The following DNAH9 variants were observed in gnomAD, a reference collection of about 807,000 sequenced individuals.
The protein encoded by DNAH9 is dynein axonemal heavy chain 9.
DNAH9 carries 345 observed loss-of-function variants against 471.6 expected under a neutral mutation model. The observed-to-expected ratio is 0.73, with a 90% CI of 0.67 to 0.80. The LOEUF is 0.80. Among genes scored for constraint, DNAH9 ranks in the 30% least tolerant of loss-of-function variants. DNAH9 has a pLI of 0.00. For synonymous variants in DNAH9, 2,093 were observed against 2,123.6 expected, an observed-to-expected ratio of 0.99 and a Z score of 0.40; for missense variants, 5,407 against 5,609.2, an observed-to-expected ratio of 0.96 and a Z score of 1.15.
At chr17:11,967,315 C>T (rs908594699) in intron 68 of DNAH9, among the ~76,000 whole-genome samples, 1 of 151,944 alleles carries the variant, frequency 6.6e-6, no homozygotes, top group Non-Finnish European at 1.5e-5. Flanking sequence ...CTATGTTGCC[C>T]AGGCTGGCCT....
In DNAH9 at chr17:11,768,528, A is replaced by G. The variant is rs376121008; in HGVS notation, c.7246A>G (p.Thr2416Ala). 28 of 1,614,012 alleles carry G rather than the reference A, an allele frequency of 1.7e-5. No homozygotes were observed. The highest frequency in any genetic ancestry group is 2.2e-5 in the Non-Finnish European group (26 of 1,180,032). The change falls in exon 37 of 69, where the codon ACC becomes GCC. Residue 2416 changes from threonine to alanine, a missense_variant. This residue lies in a region of DNAH9 where 4,636 missense variants were observed against 4,900.3 expected (regional missense o/e 0.95). Transcript: ENST00000262442. ...FKTVKFPSQG[T>A]IFDYYIDPET... is the part of the protein sequence containing the mutation. Reference sequence around the variant, plus strand: ...AACAGTCAAGTTTCCTTCCCAAGGAACCATCTTTGACTATTACATCGACCC... The same window carrying G: ...AACAGTCAAGTTTCCTTCCCAAGGAGCCATCTTTGACTATTACATCGACCC...
chr17:11,898,149 G>A (rs111346245), intron 59 of DNAH9, among the ~76,000 whole-genome samples: 1,569 of 148,006 alleles, frequency 0.011, 35 homozygotes, highest in African/African-American at 0.037. Context: ...TTTTTGAGGC[G>A]GAGTCTCGCT....
At chr17:11,957,610 T>A in intron 67 of DNAH9, among the ~76,000 whole-genome samples, 1 of 116,296 alleles carries the variant, frequency 8.6e-6, no homozygotes, top group African/African-American at 2.8e-5. Context: ...TACCAGTGGA[T>A]GCAGACAAAA....
intron 48 of DNAH9, 38 bp from the exon 49 acceptor site, chr17:11,834,600 T>C (rs761651286): frequency 3.7e-6 from 6 of 1,610,592 alleles, no homozygotes; most frequent in Non-Finnish European, 5.1e-6. Flanking sequence ...GTCCCTCCAG[T>C]CACAACTCCT....
rs769471946 is a variant in DNAH9 at position 11,810,318 on chromosome 17, C to A, written c.8656C>A (p.Gln2886Lys). The A allele has an allele frequency of 6.2e-7, 1 of 1,613,826 alleles. No individual in the cohort carries two copies. Among genetic ancestry groups the A allele is most frequent in the Non-Finnish European group, 8.5e-7 (1 of 1,179,888 alleles). The change falls in exon 45 of 69, where the codon CAA becomes AAA. Residue 2886 changes from glutamine to lysine, a missense_variant. Gln to Lys is a moderately conservative substitution (Grantham distance 53). This residue lies in a region of DNAH9 where 4,636 missense variants were observed against 4,900.3 expected (regional missense o/e 0.95). Coordinates refer to ENST00000262442, the MANE Select transcript of DNAH9 (RefSeq NM_001372.4). ...LNTVFLMTDA[Q>K]VADERFLVLI... The stretch of plus-strand genomic sequence containing the variant: ...CACAGTGTTTCTCATGACTGATGCC[C>A]AAGTGGCTGATGAGAGGTTCCTTGT...
At chr17:11,706,012 A>G (rs1567735442) in intron 26 of DNAH9, among the ~76,000 whole-genome samples, 2 of 152,306 alleles carry the variant, frequency 1.3e-5, no homozygotes, top group Non-Finnish European at 2.9e-5. Flanking sequence ...ATTCTCTTGA[A>G]AATGTCATGG....
At chr17:11,666,162 T>TA (rs2073863660) in intron 15 of DNAH9, among the ~76,000 whole-genome samples, 1 of 152,178 alleles carries the variant, frequency 6.6e-6, no homozygotes, top group African/African-American at 2.4e-5. Context: ...AACTGGCTCT[T>TA]ACGGACCAGC....
chr17:11,756,693 G>A lies in DNAH9; in HGVS notation c.6847+17G>A, dbSNP rs201332653. ...CTAGAGCAGGTACGGCCCAAGAAGG[G>A]AAGAACCACAAAGCTACTCCACTTA... is the stretch of plus-strand genomic sequence containing the variant. On this transcript the variant is annotated intron_variant, in intron 34 of 68. Coordinates refer to ENST00000262442, the MANE Select transcript of DNAH9 (RefSeq NM_001372.4). The A allele has an allele frequency of 8.4e-5, 127 of 1,511,848 alleles. 2 individuals are homozygous for A. The highest frequency in any genetic ancestry group is 6.7e-4 in the Admixed American group (40 of 59,816). 93.7% of individuals were successfully genotyped at this position (1,511,848 alleles called of 1,614,324 possible).
chr17:11,738,675 C>T (rs1567762806), intron 28 of DNAH9, among the ~76,000 whole-genome samples: 1 of 152,186 alleles, frequency 6.6e-6, no homozygotes, highest in Admixed American at 6.5e-5. Context: ...GCCACTGTGC[C>T]TAGCAGTGGC....
intron 2 of DNAH9, among the ~76,000 whole-genome samples, chr17:11,609,690 C>G (rs1231378977): frequency 6.6e-6 from 1 of 152,050 alleles, no homozygotes; most frequent in Non-Finnish European, 1.5e-5. Context: ...AAATAATGAC[C>G]AAAATGTATT....
chr17:11,866,877 G>A (rs1321813561), intron 50 of DNAH9, among the ~76,000 whole-genome samples: 1 of 152,182 alleles, frequency 6.6e-6, no homozygotes, highest in African/African-American at 2.4e-5. Flanking sequence ...ATCGGAAAAG[G>A]GCAGTATTCG....
chr17:11,823,061 T>G (rs1417343032), intron 48 of DNAH9, 27 bp downstream of exon 48: 2 of 1,580,500 alleles, frequency 1.3e-6, no homozygotes, highest in Middle Eastern at 1.7e-4. Flanking sequence ...TCCTTCCACC[T>G]GCAGGGGACT....
At position 11,933,985 on chromosome 17, in the gene DNAH9, A is replaced by G. The variant is rs747798391; in HGVS notation, c.12403A>G (p.Ile4135Val). Residue 4135 changes from isoleucine to valine, a missense_variant, in exon 65 of 69, where the codon ATT (isoleucine) becomes GTT (valine). Ile to Val is a conservative substitution (Grantham distance 29, BLOSUM62 3). Around this residue, in one of 3 missense-constraint regions of DNAH9, gnomAD observed 4,636 missense variants for 4,900.3 expected, o/e 0.95. Transcript: ENST00000262442. ...CTGCAGAACCTACCTGGGGGAATTC[A>G]TTCGACCAGAAATGTTAGAAGGAGA... ...RLCRTYLGEF[I>V]RPEMLEGELS... 2 of 1,614,188 alleles carry G rather than the reference A, an allele frequency of 1.2e-6. No individual in the cohort carries two copies. The highest frequency in any genetic ancestry group is 2.2e-5 in the East Asian group (1 of 44,884).
chr17:11,752,024 G>A (rs904287974), intron 32 of DNAH9, among the ~76,000 whole-genome samples: 1 of 152,020 alleles, frequency 6.6e-6, no homozygotes, highest in Non-Finnish European at 1.5e-5. Flanking sequence ...AGATATTTAG[G>A]AACACATTTA....
chr17:11,757,295 T>C (rs1967438440), intron 34 of DNAH9, among the ~76,000 whole-genome samples: 1 of 151,902 alleles, frequency 6.6e-6, no homozygotes, highest in African/African-American at 2.4e-5. Context: ...GGAGGCTGGG[T>C]TGGGCATTCT....
intron 20 of DNAH9, among the ~76,000 whole-genome samples, chr17:11,691,155 C>T (rs574144521): frequency 9.9e-5 from 15 of 152,268 alleles, no homozygotes; most frequent in South Asian, 2.1e-4. Flanking sequence ...AATTAAAGCA[C>T]GTTCTGCCCA....
rs745824188 is a variant in DNAH9 at position 11,689,688 on chromosome 17, A to G, written c.3866A>G (p.Tyr1289Cys). The G allele has an allele frequency of 3.8e-5, 61 of 1,614,076 alleles. No individual in the cohort carries two copies. The Middle Eastern group carries it at 9.9e-4, about 26-fold the overall frequency. The part of the protein sequence containing the change: ...ASLFEVNVPD[Y>C]KQLRQCRKEV... Reference sequence around the variant, plus strand: ...TTATTTGAAGTCAATGTCCCTGACTATAAGCAGCTGAGGCAGTGCAGGAAG... The same window carrying G: ...TTATTTGAAGTCAATGTCCCTGACTGTAAGCAGCTGAGGCAGTGCAGGAAG... The change falls in exon 20 of 69, where the codon TAT becomes TGT. Residue 1289 changes from tyrosine to cysteine, a missense_variant. Tyr to Cys is a radical substitution (Grantham distance 194). This residue lies in a region of DNAH9 where 4,636 missense variants were observed against 4,900.3 expected (regional missense o/e 0.95). Transcript: ENST00000262442.
intron 53 of DNAH9, among the ~76,000 whole-genome samples, chr17:11,878,641 G>A (rs895805672): frequency 2.0e-5 from 3 of 151,950 alleles, no homozygotes; most frequent in South Asian, 2.1e-4. Flanking sequence ...CTGCAGCCTC[G>A]ACCTCCGGGG....
At chr17:11,819,960 T>G (rs1393246861) in intron 45 of DNAH9, among the ~76,000 whole-genome samples, 1 of 152,182 alleles carries the variant, frequency 6.6e-6, no homozygotes, top group Admixed American at 6.5e-5. Flanking sequence ...TTGCACGGTT[T>G]GGGGCCTCCT....
Sources: gnomAD v4.1 joint callset for allele counts (sites outside exome capture counted in the v4.1 genomes callset) on GRCh38, gnomAD v4.1.1 for gene constraint, gnomAD v4.1.1 regional missense constraint, MANE v1.5 for transcripts, NCBI Gene and HGNC (gene_info 2026-07-23, HGNC 2026-07-21) for gene names.